OSBPL9: variants seen among roughly 807,000 people sequenced by gnomAD.
OSBPL9 encodes the protein oxysterol binding protein like 9, also known as oxysterol-binding protein-related protein 9.
A neutral mutation model predicts 106.6 loss-of-function variants in OSBPL9; 40 were observed. That is an observed-to-expected ratio of 0.38 (90% CI 0.29 to 0.49). The LOEUF (loss-of-function observed/expected upper bound fraction) is 0.49. Among genes scored for constraint, OSBPL9 ranks in the 20% least tolerant of loss-of-function variants. OSBPL9 has a pLI of 0.97. For synonymous variants in OSBPL9, 269 were observed against 295.4 expected (o/e 0.91, Z 0.92); for missense variants, 609 against 887.2 (o/e 0.69, Z 3.98).
chr1:51,579,696 A>G (rs1172397021), intron 1 of OSBPL9, among the ~76,000 whole-genome samples: 2 of 151,830 alleles, frequency 1.3e-5, no homozygotes, highest in African/African-American at 4.8e-5. Context: ...CCTCGTCTCT[A>G]CAAAAAATAG....
At chr1:51,734,978 T>C (rs1432722896) in intron 4 of OSBPL9, among the ~76,000 whole-genome samples, 1 of 152,230 alleles carries the variant, frequency 6.6e-6, no homozygotes, top group Non-Finnish European at 1.5e-5. Flanking sequence ...CTCCTCAGTT[T>C]GGGAATATGC....
At chr1:51,669,147 AAC>A (rs1472018261) in intron 2 of OSBPL9, among the ~76,000 whole-genome samples, 1 of 152,142 alleles carries the variant, frequency 6.6e-6, no homozygotes, top group African/African-American at 2.4e-5. Flanking sequence ...TGGCTCTTAA[AAC>A]ACAGATCCTA....
intron 2 of OSBPL9, among the ~76,000 whole-genome samples, chr1:51,661,264 C>A (rs372226334): frequency 8.5e-5 from 13 of 152,182 alleles, no homozygotes; most frequent in African/African-American, 3.1e-4. Context: ...ATCTTTGGAA[C>A]CAGTTCACCA....
intron 4 of OSBPL9, among the ~76,000 whole-genome samples, chr1:51,730,608 C>T (rs1028493307): frequency 7.2e-5 from 11 of 152,066 alleles, no homozygotes; most frequent in African/African-American, 1.9e-4. Context: ...CTTAGCCCAG[C>T]CGAGTTATGG....
At chr1:51,542,360 G>T in the OSBPL9 span, among the ~76,000 whole-genome samples, 33 of 152,136 alleles carry the variant, frequency 2.2e-4, no homozygotes, top group Non-Finnish European at 8.8e-5. Context: ...TTACATCCCA[G>T]ATCTCTAGAC....
chr1:51,556,616 C>T, the OSBPL9 span, among the ~76,000 whole-genome samples: 1 of 152,082 alleles, frequency 6.6e-6, no homozygotes, highest in East Asian at 1.9e-4. Flanking sequence ...GAAACCCTGT[C>T]TCTGCTAAAA....
the OSBPL9 span, among the ~76,000 whole-genome samples, chr1:51,571,104 C>T: frequency 1.0e-3 from 159 of 152,296 alleles, 1 homozygote; most frequent in African/African-American, 3.7e-3. Context: ...CCACAGCTCT[C>T]TGTACTTTCC....
intron 3 of OSBPL9, among the ~76,000 whole-genome samples, chr1:51,704,710 T>C (rs529722026): frequency 5.3e-5 from 8 of 152,316 alleles, no homozygotes; most frequent in African/African-American, 1.9e-4. Context: ...GAGACAGCTC[T>C]GAGGTGCCTC....
At chr1:51,526,497 A>C in the OSBPL9 span, among the ~76,000 whole-genome samples, 1 of 152,174 alleles carries the variant, frequency 6.6e-6, no homozygotes, top group Non-Finnish European at 1.5e-5. Flanking sequence ...ATTTCGGGGA[A>C]AGTTAAATGA....
At chr1:51,594,021 C>A (rs1426693690) in intron 1 of OSBPL9, among the ~76,000 whole-genome samples, 1 of 151,882 alleles carries the variant, frequency 6.6e-6, no homozygotes, top group East Asian at 1.9e-4. Context: ...TTCCATAATT[C>A]TCTGAAGTTC....
intron 4 of OSBPL9, among the ~76,000 whole-genome samples, chr1:51,737,142 A>C (rs987316935): frequency 6.6e-6 from 1 of 152,014 alleles, no homozygotes; most frequent in Non-Finnish European, 1.5e-5. Context: ...GCTTTTTGCT[A>C]GTGCGTGCTT....
chr1:51,668,494 C>G (rs1408123172), intron 2 of OSBPL9, among the ~76,000 whole-genome samples: 1 of 152,008 alleles, frequency 6.6e-6, no homozygotes, highest in Non-Finnish European at 1.5e-5. Flanking sequence ...TGGTGGCACA[C>G]GCTTGTAATC....
At chr1:51,521,839 C>A in the OSBPL9 span, among the ~76,000 whole-genome samples, 22 of 152,278 alleles carry the variant, frequency 1.4e-4, no homozygotes, top group Admixed American at 1.2e-3. Flanking sequence ...CTCACTGCAA[C>A]CTCCACCTCC....
Position 51,788,036 on chromosome 1 carries a change from T to G in OSBPL9, c.*247T>G. The G allele has an allele frequency of 2.0e-6, 1 of 494,078 alleles. No individual in the cohort carries two copies. The highest frequency in any genetic ancestry group is 3.6e-6 in the Non-Finnish European group (1 of 276,584). The allele number at this position is 494,078 out of a possible 1,614,324, so 30.6% of individuals were successfully genotyped here. A position where few individuals can be genotyped will look rare whatever the true frequency, so the allele number is the denominator to read the frequency against. ...TTCAGGTTTTGAAAATCAGATGATG[T>G]CTTCTCCTTTTCCAAACACCACACG... On this transcript the variant is annotated 3_prime_UTR_variant, in exon 24 of 24. Coordinates refer to ENST00000428468, the MANE Select transcript of OSBPL9 (RefSeq NM_024586.6).
chr1:51,572,774 T>C (rs1206838920), upstream of OSBPL9, among the ~76,000 whole-genome samples: 2 of 152,266 alleles, frequency 1.3e-5, no homozygotes, highest in Non-Finnish European at 2.9e-5. Context: ...GTGGAAGGGC[T>C]TAGTTTTGAA....
intron 12 of OSBPL9, among the ~76,000 whole-genome samples, chr1:51,770,137 A>AT (rs111908339): frequency 0.011 from 1,591 of 141,284 alleles, 22 homozygotes; most frequent in Admixed American, 0.038. Flanking sequence ...TGCCCAGCTA[A>AT]TTTTTTTTTT....
chr1:51,756,681 A>G lies in OSBPL9; in HGVS notation c.582+323A>G, dbSNP rs923107204. On this transcript the variant is annotated intron_variant, in intron 9 of 23. Coordinates refer to ENST00000428468, the MANE Select transcript of OSBPL9 (RefSeq NM_024586.6). ...GTGCCACATTTCTTGTCTAATTTCT[A>G]TTTTTCTCAGATGAAAGTGGGGGTG... 16 of 239,508 alleles carry G rather than the reference A, an allele frequency of 6.7e-5. No individual in the cohort carries two copies. The South Asian group carries it at 9.1e-4, about 14-fold the overall frequency. 14.8% of individuals were successfully genotyped at this position (239,508 alleles called of 1,614,324 possible). A position where few individuals can be genotyped will look rare whatever the true frequency, so the allele number is the denominator to read the frequency against.
intron 9 of OSBPL9, among the ~76,000 whole-genome samples, chr1:51,759,047 C>A (rs1459692302): frequency 6.6e-6 from 1 of 151,858 alleles, no homozygotes; most frequent in East Asian, 1.9e-4. Flanking sequence ...ATTAAAAACT[C>A]CAAGTCTCTG....
At chr1:51,585,587 C>G (rs1570531198) in intron 1 of OSBPL9, among the ~76,000 whole-genome samples, 1 of 152,234 alleles carries the variant, frequency 6.6e-6, no homozygotes, top group South Asian at 2.1e-4. Flanking sequence ...ACCAGCCTGA[C>G]CAACATGGTG....
Sources: gnomAD v4.1 joint callset for allele counts (sites outside exome capture counted in the v4.1 genomes callset) on GRCh38, gnomAD v4.1.1 for gene constraint, MANE v1.5 for transcripts, NCBI Gene and HGNC (gene_info 2026-07-23, HGNC 2026-07-21) for gene names.